KDM8: variants seen among roughly 807,000 people sequenced by gnomAD.
KDM8 encodes lysine demethylase 8, also known as bifunctional peptidase and arginyl-hydroxylase JMJD5.
In KDM8, 35 loss-of-function variants were observed where a neutral mutation model predicts 46.9. That is an observed-to-expected ratio of 0.75 (90% CI 0.57 to 0.99). The LOEUF (loss-of-function observed/expected upper bound fraction) is 0.99. KDM8 is among the 50% of genes least tolerant of loss of function. The pLI is 0.00. For missense variants in KDM8, 475 were observed against 537.0 expected (o/e 0.88, Z 1.14); for synonymous variants, 232 against 227.7 (o/e 1.02, Z -0.17).
chr16:27,203,594 C>T lies in KDM8; in HGVS notation c.-74C>T, dbSNP rs1004449111. 1 of 153,932 alleles carries T rather than the reference C, an allele frequency of 6.5e-6. No individual in the cohort carries two copies. Among genetic ancestry groups the T allele is most frequent in the Non-Finnish European group, 1.5e-5 (1 of 68,684 alleles). The allele number at this position is 153,932 out of a possible 1,614,324, so 9.5% of individuals were successfully genotyped here. On this transcript the variant is annotated 5_prime_UTR_variant, in exon 1 of 8. Transcript: ENST00000286096. ...GGTCGGACCAAACGCAACGAGTCTT[C>T]GCCAGCCCAAAGGCGACTCGACACC...
rs2083620407 is a variant in KDM8 at position 27,221,108 on chromosome 16, G to A, written c.*378G>A. On this transcript the variant is annotated 3_prime_UTR_variant, in exon 8 of 8. Coordinates refer to ENST00000286096, the MANE Select transcript of KDM8 (RefSeq NM_024773.3). ...GGCTACCTGATTCAAACCCGGCCGC[G>A]CTGTGCACCTGCTGGGTGACTTGGC... The A allele has an allele frequency of 1.9e-5, 7 of 362,444 alleles. No homozygotes were observed. Among genetic ancestry groups the A allele is most frequent in the Non-Finnish European group, 3.8e-5 (7 of 185,778 alleles). 22.5% of individuals were successfully genotyped at this position (362,444 alleles called of 1,614,324 possible). A position where few individuals can be genotyped will look rare whatever the true frequency, so the allele number is the denominator to read the frequency against.
Position 27,213,624 on chromosome 16 carries a change from T to A in KDM8, c.538T>A (p.Leu180Ile), listed in dbSNP as rs2083511327. Reference protein sequence around the residue: ...ADHGLIPDVKLEKTVPRLHRP... With the variant: ...ADHGLIPDVKIEKTVPRLHRP... Reference sequence around the variant, plus strand: ...CCATGGTTTGATTCCAGATGTGAAGTTAGAAAAAACAGTCCCCCGGCTGCA... The same window carrying A: ...CCATGGTTTGATTCCAGATGTGAAGATAGAAAAAACAGTCCCCCGGCTGCA... Residue 180 changes from leucine (L) to isoleucine (I), a missense_variant, in exon 3 of 8, where the codon TTA (leucine) becomes ATA (isoleucine). Coordinates refer to ENST00000286096, the MANE Select transcript of KDM8 (RefSeq NM_024773.3). 6.2e-7 allele frequency: 1 copy of A among 1,614,086 alleles called. No homozygotes were observed. The highest frequency in any genetic ancestry group is 1.3e-5 in the African/African-American group (1 of 75,014).
intron 6 of KDM8, 82 bp from the exon 7 acceptor site, chr16:27,220,311 T>G: frequency 1.2e-5 from 14 of 1,155,178 alleles, no homozygotes; most frequent in Non-Finnish European, 1.8e-5. Flanking sequence ...GAGCAGCATG[T>G]GGAAGGGCAC....
At chr16:27,211,123 T>C (rs777771671) in intron 2 of KDM8, 377 of 206,936 alleles carry the variant, frequency 1.8e-3, no homozygotes, top group Middle Eastern at 3.3e-3. Flanking sequence ...TTTTCTCTCT[T>C]TTTTTTTTTT....
rs201053771 is a variant in KDM8 at position 27,210,194 on chromosome 16, C to T, written c.71C>T (p.Ala24Val). The T allele has an allele frequency of 1.7e-5, 28 of 1,613,374 alleles. No homozygotes were observed. The highest frequency in any genetic ancestry group is 1.0e-4 in the Admixed American group (6 of 60,032). The change falls in exon 2 of 8, where the codon GCG (alanine) becomes GTG (valine). Residue 24 changes from alanine (A) to valine (V), a missense_variant. By Grantham distance (64) the Ala-to-Val change is moderately conservative (BLOSUM62 0). Coordinates refer to ENST00000286096, the MANE Select transcript of KDM8 (RefSeq NM_024773.3). The stretch of plus-strand genomic sequence containing the variant: ...GGCACTTTATGGGAGGCCCTCAGGG[C>T]GCTCCTGCCGCACAGTAAAGAAGAC... Reference protein sequence around the residue: ...REGTLWEALRALLPHSKEDLK... With the variant: ...REGTLWEALRVLLPHSKEDLK...
rs2083617589 is a variant in KDM8, at chr16:27,220,968, C to T, written c.*238C>T. 3.4e-6 allele frequency: 2 copies of T among 583,918 alleles called. No individual in the cohort carries two copies. Among genetic ancestry groups the T allele is most frequent in the Admixed American group, 5.6e-5 (2 of 35,576 alleles). 36.2% of individuals were successfully genotyped at this position (583,918 alleles called of 1,614,324 possible). A position where few individuals can be genotyped will look rare whatever the true frequency, so the allele number is the denominator to read the frequency against. On this transcript the variant is annotated 3_prime_UTR_variant, in exon 8 of 8. Transcript: ENST00000286096. ...CATGGCAGAGGAAGGTGGGGAGAGC[C>T]CAGAAGGACATTGCAGACAGACAGC...
chr16:27,210,180 G>A lies in KDM8; in HGVS notation c.57G>A (p.Trp19Ter). Residue 19 changes from tryptophan to a stop codon, truncating the protein, a stop_gained, in exon 2 of 8, where the codon TGG becomes TGA. Transcript: ENST00000286096. LOFTEE classifies it high-confidence loss of function. ...CCCTGGCCAGAGAAGGCACTTTATG[G>A]GAGGCCCTCAGGGCGCTCCTGCCGC... is the stretch of plus-strand genomic sequence containing the variant. Reference protein sequence around the residue: ...AEPLAREGTLWEALRALLPHS... With the variant: ...AEPLAREGTL 2 of 1,613,498 alleles carry A rather than the reference G, an allele frequency of 1.2e-6. No homozygotes were observed. The highest frequency in any genetic ancestry group is 1.7e-6 in the Non-Finnish European group (2 of 1,180,042).
At chr16:27,206,503 C>T (rs892581394) in intron 1 of KDM8, among the ~76,000 whole-genome samples, 5 of 152,198 alleles carry the variant, frequency 3.3e-5, no homozygotes, top group Non-Finnish European at 5.9e-5. Flanking sequence ...AGCTCCTGAC[C>T]TCAGGTCATC....
chr16:27,220,415 G>A lies in KDM8; in HGVS notation c.1016G>A (p.Arg339Gln), dbSNP rs539228680. ...LVQVMGRKYI[R>Q]LYSPQESGAL... ...CAGGTGATGGGGAGGAAGTACATCC[G>A]GCTGTATTCCCCGCAGGAGTCAGGG... Residue 339 changes from arginine to glutamine, a missense_variant, in exon 7 of 8, where the codon CGG becomes CAG. Arg to Gln is a conservative substitution (Grantham distance 43, BLOSUM62 1). Transcript: ENST00000286096. 9.8e-5 allele frequency: 158 copies of A among 1,614,012 alleles called. No individual in the cohort carries two copies. The East Asian group carries it at 2.8e-3, about 29-fold the overall frequency.
At chr16:27,207,157 C>T (rs913742914) in intron 1 of KDM8, among the ~76,000 whole-genome samples, 3 of 152,224 alleles carry the variant, frequency 2.0e-5, no homozygotes, top group African/African-American at 4.8e-5. Context: ...CCTGTAATCC[C>T]GGCACTTTAG....
intron 4 of KDM8, 112 bp from the exon 5 acceptor site, chr16:27,215,833 G>A (rs1475440014): frequency 4.5e-6 from 5 of 1,105,488 alleles, no homozygotes; most frequent in Admixed American, 1.7e-5. Context: ...AGGATGGAGT[G>A]GAAGGGTGAC....
intron 5 of KDM8, 85 bp from the exon 6 acceptor site, chr16:27,218,876 A>C: frequency 7.1e-7 from 1 of 1,407,432 alleles, no homozygotes; most frequent in Non-Finnish European, 1.0e-6. Flanking sequence ...GGATATAGGT[A>C]TGTGTTTCTG....
chr16:27,212,740 T>C (rs986495507), intron 2 of KDM8, among the ~76,000 whole-genome samples: 5 of 152,180 alleles, frequency 3.3e-5, no homozygotes, highest in African/African-American at 1.2e-4. Flanking sequence ...TCTCAATAAA[T>C]AAATAAATAA....
intron 4 of KDM8, 26 bp from the exon 5 acceptor site, chr16:27,215,919 G>C (rs979273759): frequency 6.2e-7 from 1 of 1,613,812 alleles, no homozygotes; most frequent in African/African-American, 1.3e-5. Context: ...TTTCTGTGTT[G>C]CCTCTGGTTT....
At chr16:27,208,573 C>G (rs147641961) in intron 1 of KDM8, among the ~76,000 whole-genome samples, 1 of 152,156 alleles carries the variant, frequency 6.6e-6, no homozygotes, top group African/African-American at 2.4e-5. Flanking sequence ...TCCTGGGAGG[C>G]CTTTCCACTG....
chr16:27,220,649 G>A lies in KDM8; in HGVS notation c.1170G>A (p.Glu390=), dbSNP rs1369808683. Residue 390 remains glutamate (E), a synonymous_variant, in exon 8 of 8, where the codon GAG becomes GAA. Transcript: ENST00000286096. ...PFLSCILSPG[E]ILFIPVKYWH... ...TGTCCTGCATCCTGTCTCCTGGAGA[G>A]ATCCTGTTCATCCCGGTGAAATACT... 1 of 1,614,144 alleles carries A rather than the reference G, an allele frequency of 6.2e-7. No individual in the cohort carries two copies. Among genetic ancestry groups the A allele is most frequent in the South Asian group, 1.1e-5 (1 of 91,080 alleles).
intron 5 of KDM8, among the ~76,000 whole-genome samples, chr16:27,218,486 G>A (rs1358788169): frequency 6.6e-6 from 1 of 152,164 alleles, no homozygotes; most frequent in East Asian, 1.9e-4. Flanking sequence ...TCTCTTCTCT[G>A]CCCAGCCTGT....
rs887587147 is a variant in KDM8 at position 27,203,877 on chromosome 16, C to G, written c.-32+241C>G. On this transcript the variant is annotated intron_variant, in intron 1 of 7. Coordinates refer to ENST00000286096, the MANE Select transcript of KDM8 (RefSeq NM_024773.3). ...GAAAGGTTCCGCGCGTGCGTATGCT[C>G]GTCTCTTGGCAGTGGTTTTGCGCAT... 8.9e-6 allele frequency: 4 copies of G among 450,950 alleles called. No homozygotes were observed. The Admixed American group carries it at 1.3e-4, about 14-fold the overall frequency. 27.9% of individuals were successfully genotyped at this position (450,950 alleles called of 1,614,324 possible). A position where few individuals can be genotyped will look rare whatever the true frequency, so the allele number is the denominator to read the frequency against.
In KDM8 at chr16:27,210,255, C is replaced by T. The variant is rs546857893; in HGVS notation, c.132C>T (p.Ser44=). The change falls in exon 2 of 8, where the codon AGC becomes AGT. Residue 44 remains serine (S), a synonymous_variant. Coordinates refer to ENST00000286096, the MANE Select transcript of KDM8 (RefSeq NM_024773.3). ...KLDLGEKVER[S]VVTLLQRATE... ...ACCTCGGGGAGAAAGTGGAGAGGAG[C>T]GTGGTGACATTGTTGCAGCGAGCCA... 1.5e-5 allele frequency: 25 copies of T among 1,613,196 alleles called. No homozygotes were observed. The highest frequency in any genetic ancestry group is 4.5e-5 in the East Asian group (2 of 44,884).
Sources: gnomAD v4.1 joint callset for allele counts (sites outside exome capture counted in the v4.1 genomes callset) on GRCh38, gnomAD v4.1.1 for gene constraint, MANE v1.5 for transcripts, NCBI Gene and HGNC (gene_info 2026-07-23, HGNC 2026-07-21) for gene names.